NGLY1: variants seen among roughly 807,000 people sequenced by gnomAD.
NGLY1 encodes the protein N-glycanase 1.
A neutral mutation model predicts 84.6 loss-of-function variants in NGLY1; 68 were observed. The observed-to-expected ratio is 0.80, with a 90% CI of 0.66 to 0.98. NGLY1 has a LOEUF of 0.98. Among genes scored for constraint, NGLY1 ranks in the 50% least tolerant of loss-of-function variants. NGLY1 has a pLI of 0.00. For synonymous variants in NGLY1, 280 were observed against 275.2 expected, an observed-to-expected ratio of 1.02 and a Z score of -0.17; for missense variants, 779 against 770.2, an observed-to-expected ratio of 1.01 and a Z score of -0.14.
At position 25,737,467 on chromosome 3, in the gene NGLY1, A is replaced by G. The variant is rs1559536376; in HGVS notation, c.882-12T>C. On this transcript the variant is annotated splice_polypyrimidine_tract_variant and intron_variant, in intron 5 of 11. Coordinates refer to ENST00000280700, the MANE Select transcript of NGLY1 (RefSeq NM_018297.4). Reference sequence around the variant, plus strand: ...CAGGGTTATTATATCTGGTTTAAAAAGAAAAAAAACCTTAATTATCAAAAT... The same window carrying G: ...CAGGGTTATTATATCTGGTTTAAAAGGAAAAAAAACCTTAATTATCAAAAT... The G allele has an allele frequency of 1.9e-6, 3 of 1,575,754 alleles. No individual in the cohort carries two copies. The highest frequency in any genetic ancestry group is 2.6e-6 in the Non-Finnish European group (3 of 1,157,366).
At chr3:25,789,481 A>G (rs941594841) in intron 1 of NGLY1, among the ~76,000 whole-genome samples, 1 of 152,218 alleles carries the variant, frequency 6.6e-6, no homozygotes, top group Non-Finnish European at 1.5e-5. Flanking sequence ...ATCAGTATAC[A>G]TCTTGCAGAC....
At chr3:25,788,443 G>C (rs1321062866), upstream of NGLY1, among the ~76,000 whole-genome samples, 1 of 152,084 alleles carries the variant, frequency 6.6e-6, no homozygotes, top group Non-Finnish European at 1.5e-5. Flanking sequence ...AGGAAATATG[G>C]TACCAAATAT....
intron 2 of NGLY1, among the ~76,000 whole-genome samples, chr3:25,774,781 G>C (rs751449681): frequency 6.6e-6 from 1 of 151,902 alleles, no homozygotes; most frequent in Non-Finnish European, 1.5e-5. Context: ...TTCTGTGCTT[G>C]TATCTGCAGT....
chr3:25,789,792 G>A (rs185458781), intron 1 of NGLY1: 5 of 1,493,922 alleles, frequency 3.3e-6, no homozygotes, highest in Non-Finnish European at 4.6e-6. Flanking sequence ...TCCCTTCTCC[G>A]ACAAAAGGGA....
intron 2 of NGLY1, among the ~76,000 whole-genome samples, chr3:25,776,986 A>AAGCTT (rs1708181588): frequency 1.3e-5 from 2 of 152,172 alleles, no homozygotes; most frequent in Admixed American, 1.3e-4. Context: ...TATTTAGACT[A>AAGCTT]ATGTAATAAG....
intron 2 of NGLY1, 86 bp downstream of exon 2, chr3:25,778,488 T>C (rs1708253173): frequency 7.5e-6 from 5 of 664,306 alleles, no homozygotes; most frequent in Admixed American, 5.8e-5. Context: ...TTAAAAAACA[T>C]TATCTTATTC....
chr3:25,789,578 A>G (rs1325111302), intron 1 of NGLY1, among the ~76,000 whole-genome samples: 3 of 152,230 alleles, frequency 2.0e-5, no homozygotes, highest in Non-Finnish European at 2.9e-5. Context: ...TCATTAATAA[A>G]TATTCACCTG....
At chr3:25,781,271 A>G (rs1708405484) in intron 1 of NGLY1, among the ~76,000 whole-genome samples, 1 of 152,084 alleles carries the variant, frequency 6.6e-6, no homozygotes, top group African/African-American at 2.4e-5. Context: ...TTTTTATATC[A>G]TCTCTGGACC....
intron 3 of NGLY1, chr3:25,755,177 C>A: frequency 7.8e-7 from 1 of 1,280,804 alleles, no homozygotes; most frequent in Non-Finnish European, 1.1e-6. Context: ...TTTTACCTCT[C>A]TTCCCCCAAG....
At chr3:25,788,840 G>C (rs1708658807) in intron 1 of NGLY1, among the ~76,000 whole-genome samples, 1 of 152,206 alleles carries the variant, frequency 6.6e-6, no homozygotes, top group Admixed American at 6.5e-5. Flanking sequence ...AGGTCAAACT[G>C]AGCTTTGCTG....
chr3:25,783,323 T>A lies in NGLY1; in HGVS notation c.68A>T (p.Asn23Ile), dbSNP rs1708507932. The part of the protein sequence containing the change: ...ASPAVAELCQ[N>I]TPETFLEASK... ...GGCCTCCAAAAAGGTCTCCGGGGTG[T>A]TCTGGCAGAGCTCAGCCACGGCCGG... The change falls in exon 1 of 12, where the codon AAC becomes ATC. Residue 23 changes from asparagine to isoleucine, a missense_variant. By Grantham distance (149) the Asn-to-Ile change is moderately radical. Coordinates refer to ENST00000280700, the MANE Select transcript of NGLY1 (RefSeq NM_018297.4). This position sits in a 1 kb window ranked among gnomAD's most constrained non-coding sequence, Gnocchi z 4.5. 1 of 1,599,780 alleles carries A rather than the reference T, an allele frequency of 6.3e-7. No individual in the cohort carries two copies. The highest frequency in any genetic ancestry group is 8.5e-7 in the Non-Finnish European group (1 of 1,174,332).
intron 2 of NGLY1, among the ~76,000 whole-genome samples, chr3:25,769,057 C>G (rs535301342): frequency 2.0e-5 from 3 of 152,008 alleles, no homozygotes; most frequent in Non-Finnish European, 1.5e-5. Context: ...AAACAAATCT[C>G]ATTTAAAAAT....
chr3:25,789,837 C>T (rs1183651911), intron 1 of NGLY1: 2 of 1,551,564 alleles, frequency 1.3e-6, no homozygotes, highest in Admixed American at 2.0e-5. Flanking sequence ...AGAAAAATGC[C>T]TTTTTGATGG....
intron 3 of NGLY1, chr3:25,755,653 G>A: frequency 3.4e-6 from 5 of 1,479,758 alleles, no homozygotes. Context: ...AAAACATGAA[G>A]ATGATGATGA....
Position 25,778,643 on chromosome 3 carries a change from T to G in NGLY1, c.177A>C (p.Thr59=). The change falls in exon 2 of 12, where the codon ACA becomes ACC. Residue 59 remains threonine, a synonymous_variant. Transcript: ENST00000280700. Reference sequence around the variant, plus strand: ...CAGGCAAGAGTCTAGTAGAAAAGGCTGTGTTTCCAATCCGGATGGATCTAT... The same window carrying G: ...CAGGCAAGAGTCTAGTAGAAAAGGCGGTGTTTCCAATCCGGATGGATCTAT... ...EKYRSIRIGN[T]AFSTRLLPVR... The G allele has an allele frequency of 6.2e-7, 1 of 1,613,032 alleles. No individual in the cohort carries two copies. Among genetic ancestry groups the G allele is most frequent in the Admixed American group, 1.7e-5 (1 of 59,892 alleles).
upstream of NGLY1, among the ~76,000 whole-genome samples, chr3:25,785,847 T>G (rs1483966098): frequency 6.6e-6 from 1 of 152,194 alleles, no homozygotes; most frequent in Non-Finnish European, 1.5e-5. Flanking sequence ...AAAATGACTT[T>G]TGTTTTTCTC....
chr3:25,780,097 AC>A (rs1708340055), intron 1 of NGLY1, among the ~76,000 whole-genome samples: 1 of 152,250 alleles, frequency 6.6e-6, no homozygotes, highest in Admixed American at 6.5e-5. Context: ...GGAAATTAAA[AC>A]AAAAACATTG....
chr3:25,739,448 G>C (rs968127933), intron 5 of NGLY1, 129 bp downstream of exon 5: 2 of 883,058 alleles, frequency 2.3e-6, no homozygotes, highest in Non-Finnish European at 3.4e-6. Context: ...TGCCAGCCAC[G>C]GTTTGCTCAC....
Position 25,779,005 on chromosome 3 carries a change from G to A in NGLY1, c.132-317C>T, listed in dbSNP as rs371021296. On this transcript the variant is annotated intron_variant, in intron 1 of 11. Transcript: ENST00000280700. Reference sequence around the variant, plus strand: ...AGCTGGAGTGCAGTGGCGTGACCTCGGCTCACTACAGCCTCCACCTCCCAG... The same window carrying A: ...AGCTGGAGTGCAGTGGCGTGACCTCAGCTCACTACAGCCTCCACCTCCCAG... Among the ~76,000 whole-genome samples the A allele has an allele frequency of 2.9e-3, 399 of 137,230 alleles. 1 individual carries two copies. Among genetic ancestry groups the A allele is most frequent in the African/African-American group, 9.9e-3 (368 of 37,056 alleles). 90.0% of individuals were successfully genotyped at this position (137,230 alleles called of 152,430 possible).
Sources: gnomAD v4.1 joint callset for allele counts (sites outside exome capture counted in the v4.1 genomes callset) on GRCh38, gnomAD v4.1.1 for gene constraint, Gnocchi (gnomAD v3.1) non-coding constraint, MANE v1.5 for transcripts, NCBI Gene and HGNC (gene_info 2026-07-23, HGNC 2026-07-21) for gene names.